DHRSX: variants seen among roughly 807,000 people sequenced by gnomAD.
The protein encoded by DHRSX is dehydrogenase/reductase X-linked, also known as polyprenol dehydrogenase.
A neutral mutation model predicts 34.0 loss-of-function variants in DHRSX; 31 were observed. That is an observed-to-expected ratio of 0.91 (90% CI 0.69 to 1.23). The LOEUF (loss-of-function observed/expected upper bound fraction) is 1.23, where lower values mean the gene tolerates loss of function less well. Among genes scored for constraint, DHRSX ranks in the 50% most tolerant of loss-of-function variants. The pLI, the probability that DHRSX is intolerant of heterozygous loss-of-function variation, is 0.00. For missense variants in DHRSX, 414 were observed against 428.1 expected, an observed-to-expected ratio of 0.97 and a Z score of 0.29; for synonymous variants, 201 against 183.8, an observed-to-expected ratio of 1.09 and a Z score of -0.76.
At chrX:2,333,465 A>T (rs2042508642) in intron 3 of DHRSX, among the ~76,000 whole-genome samples, 1 of 152,144 alleles carries the variant, frequency 6.6e-6, no homozygotes, top group African/African-American at 2.4e-5. Flanking sequence ...CCCAGGCTTG[A>T]GTGCAATGGT....
intron 3 of DHRSX, among the ~76,000 whole-genome samples, chrX:2,368,099 C>T (rs2043015304): frequency 2.0e-5 from 3 of 151,680 alleles, no homozygotes; most frequent in African/African-American, 7.3e-5. Context: ...AAAAATTAGC[C>T]GGGCGTGGTG....
At chrX:2,331,501 G>A (rs992349775) in intron 3 of DHRSX, among the ~76,000 whole-genome samples, 8 of 135,752 alleles carry the variant, frequency 5.9e-5, no homozygotes, top group African/African-American at 1.9e-4. Context: ...AGGCTGGAGT[G>A]CCATAGCGCG....
At chrX:2,475,100 G>A (rs115993200) in intron 1 of DHRSX, among the ~76,000 whole-genome samples, 24,081 of 139,106 alleles carry the variant, frequency 0.17, 3,236 homozygotes, top group African/African-American at 0.35. Flanking sequence ...CACTGAAGAT[G>A]TTCCCTAAGA....
intron 5 of DHRSX, among the ~76,000 whole-genome samples, chrX:2,264,402 C>A (rs1236301554): frequency 6.6e-6 from 1 of 151,344 alleles, no homozygotes; most frequent in African/African-American, 2.4e-5. Context: ...GAGCACCATG[C>A]CCAGAGCACC....
intron 1 of DHRSX, chrX:2,490,453 G>A (rs2045106971): frequency 6.2e-7 from 1 of 1,613,962 alleles, no homozygotes; most frequent in Non-Finnish European, 8.5e-7. Context: ...CGGTGGCGAA[G>A]GCTTCACGCA....
chrX:2,251,197 T>TC (rs2016427115), intron 5 of DHRSX, among the ~76,000 whole-genome samples: 2 of 152,270 alleles, frequency 1.3e-5, no homozygotes, highest in South Asian at 4.1e-4. Context: ...AAGACTTTCC[T>TC]CCCCATCTAA....
chrX:2,274,249 G>C (rs777081044), intron 4 of DHRSX, among the ~76,000 whole-genome samples: 1 of 151,968 alleles, frequency 6.6e-6, no homozygotes, highest in African/African-American at 2.4e-5. Context: ...TGTTGGCCAG[G>C]CTGCTCTTGA....
At chrX:2,359,338 A>G (rs917651553) in intron 3 of DHRSX, among the ~76,000 whole-genome samples, 3 of 152,244 alleles carry the variant, frequency 2.0e-5, no homozygotes, top group Admixed American at 1.3e-4. Flanking sequence ...TAGCAAAGAC[A>G]TGGGATCAAT....
chrX:2,369,514 G>A (rs2043032572), intron 3 of DHRSX, among the ~76,000 whole-genome samples: 1 of 150,686 alleles, frequency 6.6e-6, no homozygotes, highest in African/African-American at 2.4e-5. Flanking sequence ...TTTTCTTTTT[G>A]GAGACAGAGT....
chrX:2,323,405 A>G (rs2042336993), intron 3 of DHRSX, among the ~76,000 whole-genome samples: 1 of 152,120 alleles, frequency 6.6e-6, no homozygotes, highest in South Asian at 2.1e-4. Context: ...TACTCCAACT[A>G]CAGGAGTGAG....
chrX:2,336,666 C>T (rs1285207250), intron 3 of DHRSX, among the ~76,000 whole-genome samples: 2 of 150,678 alleles, frequency 1.3e-5, no homozygotes, highest in African/African-American at 4.9e-5. Flanking sequence ...AAGGCATGAT[C>T]TTGGCTCACT....
At chrX:2,243,643 C>T (rs2016196814) in intron 5 of DHRSX, among the ~76,000 whole-genome samples, 1 of 151,838 alleles carries the variant, frequency 6.6e-6, no homozygotes, top group Non-Finnish European at 1.5e-5. Flanking sequence ...CCCGCCACCA[C>T]ACCCTGCTAA....
At chrX:2,282,694 AAG>A (rs1404011916) in intron 4 of DHRSX, among the ~76,000 whole-genome samples, 5 of 126,892 alleles carry the variant, frequency 3.9e-5, no homozygotes, top group Non-Finnish European at 6.6e-5. Flanking sequence ...AGAGGGGAGA[AAG>A]AGGGAGAGAG....
At chrX:2,357,359 A>G (rs1436459656) in intron 3 of DHRSX, among the ~76,000 whole-genome samples, 1 of 152,170 alleles carries the variant, frequency 6.6e-6, no homozygotes, top group African/African-American at 2.4e-5. Flanking sequence ...GCAAAGAAAA[A>G]AAAAATCCCT....
At chrX:2,411,946 A>T (rs2043635784) in intron 2 of DHRSX, among the ~76,000 whole-genome samples, 1 of 152,198 alleles carries the variant, frequency 6.6e-6, no homozygotes, top group Non-Finnish European at 1.5e-5. Flanking sequence ...GGCATAGGAC[A>T]GAAGCACCAC....
chrX:2,287,567 T>C (rs1248164912), intron 4 of DHRSX, among the ~76,000 whole-genome samples: 1 of 148,368 alleles, frequency 6.7e-6, no homozygotes. Context: ...CGAATCCCCA[T>C]GTGGGAGACA....
At chrX:2,422,188 T>C (rs2043788858) in intron 2 of DHRSX, among the ~76,000 whole-genome samples, 1 of 152,200 alleles carries the variant, frequency 6.6e-6, no homozygotes, top group Non-Finnish European at 1.5e-5. Context: ...ATGATCATCT[T>C]TCCATAATGA....
At chrX:2,320,776 A>G (rs2042301562) in intron 3 of DHRSX, among the ~76,000 whole-genome samples, 1 of 151,746 alleles carries the variant, frequency 6.6e-6, no homozygotes, top group South Asian at 2.1e-4. Flanking sequence ...AATCAGAGAC[A>G]GTCACTGCCA....
At chrX:2,423,465 G>A (rs1432351615) in intron 2 of DHRSX, among the ~76,000 whole-genome samples, 3 of 152,006 alleles carry the variant, frequency 2.0e-5, no homozygotes, top group Admixed American at 6.6e-5. Flanking sequence ...GGTGGTGCAC[G>A]CCTGTCATAT....
Sources: gnomAD v4.1 joint callset for allele counts (sites outside exome capture counted in the v4.1 genomes callset) on GRCh38, gnomAD v4.1.1 for gene constraint, MANE v1.5 for transcripts, NCBI Gene and HGNC (gene_info 2026-07-23, HGNC 2026-07-21) for gene names.